Variants in ARL1 observed in about 807,000 individuals in gnomAD.
ARL1 encodes the protein ADP-ribosylation factor-like protein 1.
A neutral mutation model predicts 30.1 loss-of-function variants in ARL1; 17 were observed. The observed-to-expected ratio is 0.56, with a 90% CI of 0.39 to 0.85. ARL1 has a LOEUF of 0.85. Among genes scored for constraint, ARL1 ranks in the 40% least tolerant of loss-of-function variants. The pLI, the probability that ARL1 is intolerant of heterozygous loss-of-function variation, is 0.00. For missense variants in ARL1, 102 were observed against 212.6 expected (o/e 0.48, Z 3.24); for synonymous variants, 58 against 71.7 (o/e 0.81, Z 0.97).
intron 1 of ARL1, among the ~76,000 whole-genome samples, chr12:101,406,614 G>A (rs1348255239): frequency 6.6e-6 from 1 of 152,006 alleles, no homozygotes; most frequent in Non-Finnish European, 1.5e-5. Flanking sequence ...AGCCATTAGA[G>A]AAGATTAAAA....
intron 4 of ARL1, among the ~76,000 whole-genome samples, chr12:101,398,494 G>A (rs1310183621): frequency 6.6e-6 from 1 of 151,806 alleles, no homozygotes; most frequent in Non-Finnish European, 1.5e-5. Flanking sequence ...CCATCACTCA[G>A]GTTGGAGTGC....
chr12:101,396,064 G>C (rs1454141076), intron 5 of ARL1: 2 of 568,120 alleles, frequency 3.5e-6, no homozygotes, highest in Non-Finnish European at 6.2e-6. Context: ...TGAGTGATTA[G>C]GCAGTAGGAA....
At chr12:101,401,939 A>C (rs922342447) in intron 3 of ARL1, among the ~76,000 whole-genome samples, 2 of 152,098 alleles carry the variant, frequency 1.3e-5, no homozygotes, top group African/African-American at 4.8e-5. Flanking sequence ...TAAACTCAAA[A>C]GTGATTCAAT....
chr12:101,407,692 C>T lies in ARL1; in HGVS notation c.-47G>A. The T allele has an allele frequency of 6.2e-7, 1 of 1,611,500 alleles. No homozygotes were observed. The highest frequency in any genetic ancestry group is 8.5e-7 in the Non-Finnish European group (1 of 1,179,510). Reference sequence around the variant, plus strand: ...CGCCGATCTTCAGTGATTCCTTGGCCTTCGGCTGCAGCTCCGAGGCGGTTT... The same window carrying T: ...CGCCGATCTTCAGTGATTCCTTGGCTTTCGGCTGCAGCTCCGAGGCGGTTT... On this transcript the variant is annotated 5_prime_UTR_variant, in exon 1 of 6. Transcript: ENST00000261636.
intron 5 of ARL1, 144 bp downstream of exon 5, chr12:101,396,255 G>A: frequency 1.9e-6 from 2 of 1,032,646 alleles, no homozygotes; most frequent in Non-Finnish European, 1.5e-6. Context: ...AGACCAGTGA[G>A]AGAAAACGCT....
rs929731811 is a variant in ARL1, at chr12:101,394,799, T to TA, written c.*840dup. On this transcript the variant is annotated 3_prime_UTR_variant, in exon 6 of 6. Coordinates refer to ENST00000261636, the MANE Select transcript of ARL1 (RefSeq NM_001177.6). ...AATTAGCATAATTTTATTTAAGAGTTAGACTGTGTTGTCAATACTGACATT... is the reference window on the plus strand; with the variant it reads ...AATTAGCATAATTTTATTTAAGAGTTAAGACTGTGTTGTCAATACTGACATT... 6.6e-5 allele frequency: 10 copies of TA among 152,234 alleles called. No individual in the cohort carries two copies. The highest frequency in any genetic ancestry group is 2.4e-4 in the African/African-American group (10 of 41,466). 9.4% of individuals were successfully genotyped at this position (152,234 alleles called of 1,614,324 possible).
chr12:101,402,161 C>G (rs1871322537), intron 3 of ARL1, among the ~76,000 whole-genome samples: 2 of 152,086 alleles, frequency 1.3e-5, no homozygotes, highest in Admixed American at 1.3e-4. Flanking sequence ...ACCTGAACTT[C>G]AGAAGGCATT....
chr12:101,398,793 C>T (rs918515317), intron 4 of ARL1, among the ~76,000 whole-genome samples: 1 of 152,122 alleles, frequency 6.6e-6, no homozygotes, highest in African/African-American at 2.4e-5. Flanking sequence ...CCATACTTAA[C>T]ATAACATGAT....
At chr12:101,407,530 T>C in intron 1 of ARL1, 112 bp downstream of exon 1, 1 of 1,433,266 alleles carries the variant, frequency 7.0e-7, no homozygotes, top group South Asian at 1.2e-5. Flanking sequence ...ACCCGCCCCC[T>C]GAGGAGCTGG....
At chr12:101,403,768 T>A (rs898730018) in intron 2 of ARL1, 6 of 152,488 alleles carry the variant, frequency 3.9e-5, no homozygotes, top group African/African-American at 1.4e-4. Context: ...GAGACCAGCC[T>A]AGCCAACACT....
At chr12:101,406,978 C>T (rs1045014591) in intron 1 of ARL1, 13 of 152,140 alleles carry the variant, frequency 8.5e-5, no homozygotes, top group African/African-American at 3.1e-4. Context: ...AATGTGCACC[C>T]TCACTTGGGT....
intron 4 of ARL1, among the ~76,000 whole-genome samples, chr12:101,400,834 TG>T (rs1340126564): frequency 8.5e-5 from 13 of 152,236 alleles, no homozygotes; most frequent in Non-Finnish European, 2.9e-5. Context: ...CTGAACCTCC[TG>T]GAAAATCAAG....
chr12:101,396,303 G>T (rs780485078), intron 5 of ARL1, 96 bp downstream of exon 5: 8 of 1,499,974 alleles, frequency 5.3e-6, no homozygotes, highest in South Asian at 1.1e-5. Flanking sequence ...GTAAATCAAA[G>T]TTTCATCCTC....
Position 101,401,043 on chromosome 12 carries a change from A to T in ARL1, c.336+19T>A. 1 of 1,534,576 alleles carries T rather than the reference A, an allele frequency of 6.5e-7. No homozygotes were observed. The highest frequency in any genetic ancestry group is 9.0e-7 in the Non-Finnish European group (1 of 1,108,128). On this transcript the variant is annotated intron_variant, in intron 4 of 5. Coordinates refer to ENST00000261636, the MANE Select transcript of ARL1 (RefSeq NM_001177.6). ...TGTAAATGACTGCCCCACATTTTAAAGTGGTTACGTTTTCTTACCTCCAAC... is the reference window on the plus strand; with the variant it reads ...TGTAAATGACTGCCCCACATTTTAATGTGGTTACGTTTTCTTACCTCCAAC...
At position 101,395,226 on chromosome 12, in the gene ARL1, T is replaced by C. The variant is rs1268817418; in HGVS notation, c.*414A>G. 6.3e-6 allele frequency: 1 copy of C among 157,880 alleles called. No homozygotes were observed. The highest frequency in any genetic ancestry group is 1.4e-5 in the Non-Finnish European group (1 of 71,768). The allele number at this position is 157,880 out of a possible 1,614,324, so 9.8% of individuals were successfully genotyped here. On this transcript the variant is annotated 3_prime_UTR_variant, in exon 6 of 6. Transcript: ENST00000261636. ...TCCTCACCTACTCTCATACTGAGTC[T>C]AATCTTTGGAAAGATAATTCATTTT...
Position 101,407,762 on chromosome 12 carries a change from G to C in ARL1, c.-117C>G. ...CAGCAACTTCCACGTCGGACTCCAG[G>C]CGGGGGCGGGAGCGAGGGTCAGCTG... is the stretch of plus-strand genomic sequence containing the variant. On this transcript the variant is annotated 5_prime_UTR_variant, in exon 1 of 6. Transcript: ENST00000261636. The C allele has an allele frequency of 6.7e-7, 1 of 1,482,494 alleles. No homozygotes were observed. Among genetic ancestry groups the C allele is most frequent in the Admixed American group, 1.7e-5 (1 of 59,498 alleles). The allele number at this position is 1,482,494 out of a possible 1,614,324, so 91.8% of individuals were successfully genotyped here. A position where few individuals can be genotyped will look rare whatever the true frequency, so the allele number is the denominator to read the frequency against.
chr12:101,407,434 G>C (rs1871476407), intron 1 of ARL1: 1 of 606,384 alleles, frequency 1.6e-6, no homozygotes, highest in South Asian at 2.4e-5. Flanking sequence ...CAGGAATCAA[G>C]GGGAACCGAG....
intron 1 of ARL1, among the ~76,000 whole-genome samples, chr12:101,406,294 A>T (rs1297326008): frequency 6.6e-6 from 1 of 152,168 alleles, no homozygotes; most frequent in Non-Finnish European, 1.5e-5. Context: ...ATATTTTAGC[A>T]TGATCCCCTC....
At chr12:101,406,714 C>A (rs148919084) in intron 1 of ARL1, among the ~76,000 whole-genome samples, 16 of 152,122 alleles carry the variant, frequency 1.1e-4, no homozygotes, top group African/African-American at 3.9e-4. Flanking sequence ...CTAAGAGCTG[C>A]GAGTTGAAAA....
Sources: gnomAD v4.1 joint callset for allele counts (sites outside exome capture counted in the v4.1 genomes callset) on GRCh38, gnomAD v4.1.1 for gene constraint, MANE v1.5 for transcripts, NCBI Gene and HGNC (gene_info 2026-07-23, HGNC 2026-07-21) for gene names.